Variants in PLEKHA7 observed in about 807,000 individuals in gnomAD.
PLEKHA7 encodes pleckstrin homology domain containing A7, also known as pleckstrin homology domain-containing family A member 7.
PLEKHA7 carries 104 observed loss-of-function variants against 170.0 expected under a neutral mutation model. The observed-to-expected ratio is 0.61, with a 90% CI of 0.52 to 0.72. PLEKHA7 has a LOEUF of 0.72. PLEKHA7 is among the 30% of genes least tolerant of loss of function. PLEKHA7 has a pLI of 0.00. For synonymous variants in PLEKHA7, 648 were observed against 660.8 expected, an observed-to-expected ratio of 0.98 and a Z score of 0.30; for missense variants, 1,615 against 1,671.7, an observed-to-expected ratio of 0.97 and a Z score of 0.59.
At chr11:16,890,758 A>G (rs1054805416) in intron 3 of PLEKHA7, among the ~76,000 whole-genome samples, 1 of 152,206 alleles carries the variant, frequency 6.6e-6, no homozygotes, top group Non-Finnish European at 1.5e-5. Flanking sequence ...CCCGAAAACA[A>G]GGATTAAGAA....
chr11:16,807,198 G>A (rs1055168882), intron 13 of PLEKHA7: 3 of 985,270 alleles, frequency 3.0e-6, no homozygotes, highest in African/African-American at 3.5e-5. Flanking sequence ...TGTAAAGCAC[G>A]TTGATCAAAG....
intron 3 of PLEKHA7, among the ~76,000 whole-genome samples, chr11:16,897,165 G>A (rs570389884): frequency 1.8e-4 from 28 of 152,188 alleles, no homozygotes; most frequent in African/African-American, 6.3e-4. Context: ...TAAGTCTTTC[G>A]CCCAAGTTAA....
chr11:16,871,695 G>A (rs1047027141), intron 3 of PLEKHA7, among the ~76,000 whole-genome samples: 4 of 152,124 alleles, frequency 2.6e-5, no homozygotes, highest in African/African-American at 4.8e-5. Flanking sequence ...ATAAATGTAT[G>A]GGCATGTCTC....
chr11:16,848,250 A>G (rs1852626796), intron 8 of PLEKHA7, among the ~76,000 whole-genome samples: 1 of 152,258 alleles, frequency 6.6e-6, no homozygotes, highest in Admixed American at 6.5e-5. Context: ...TAAAAAAGCA[A>G]GGATTTTGTC....
At chr11:16,852,236 G>A (rs1348675409) in intron 7 of PLEKHA7, 47 bp downstream of exon 7, 1 of 1,559,264 alleles carries the variant, frequency 6.4e-7, no homozygotes, top group Non-Finnish European at 8.8e-7. Context: ...ATCCACATAT[G>A]TAAAACTGAA....
At chr11:16,901,644 A>G (rs938627527) in intron 3 of PLEKHA7, among the ~76,000 whole-genome samples, 1 of 152,184 alleles carries the variant, frequency 6.6e-6, no homozygotes, top group Admixed American at 6.5e-5. Flanking sequence ...CAAGGCCGGA[A>G]GATAGCTTGA....
At chr11:16,819,655 G>T (rs1229496850) in intron 10 of PLEKHA7, among the ~76,000 whole-genome samples, 1 of 152,174 alleles carries the variant, frequency 6.6e-6, no homozygotes, top group Non-Finnish European at 1.5e-5. Context: ...CACCACCTGG[G>T]GACTTGTTAG....
intron 6 of PLEKHA7, 108 bp downstream of exon 6, chr11:16,854,781 C>T (rs1249354631): frequency 8.6e-6 from 8 of 932,450 alleles, no homozygotes; most frequent in Non-Finnish European, 1.3e-5. Flanking sequence ...CAGACAAACT[C>T]AGGAACAGAA....
Position 16,995,145 on chromosome 11 carries a change from G to A in PLEKHA7, c.221+18844C>T, listed in dbSNP as rs188484074. On this transcript the variant is annotated intron_variant, in intron 3 of 26. Transcript: ENST00000531066. ...TTACCATCCCCATTTTTCAGATGAG[G>A]AAACAGGCTCCAGAGTACACAACCT... Among the ~76,000 whole-genome samples the A allele has an allele frequency of 1.7e-3, 252 of 152,178 alleles. 2 individuals carry two copies. Among genetic ancestry groups the A allele is most frequent in the Non-Finnish European group, 2.7e-3 (182 of 67,980 alleles).
chr11:16,946,987 C>T (rs2136457410), intron 3 of PLEKHA7, among the ~76,000 whole-genome samples: 1 of 152,316 alleles, frequency 6.6e-6, no homozygotes, highest in South Asian at 2.1e-4. Flanking sequence ...GTCATCTGGG[C>T]TGCTGGTTCC....
At chr11:16,818,017 G>A (rs1319763555) in intron 10 of PLEKHA7, among the ~76,000 whole-genome samples, 4 of 152,128 alleles carry the variant, frequency 2.6e-5, no homozygotes, top group Non-Finnish European at 2.9e-5. Flanking sequence ...TACGGGCCAC[G>A]CCAAATGCCT....
chr11:16,934,885 TA>T (rs1047760922), intron 3 of PLEKHA7, among the ~76,000 whole-genome samples: 2 of 151,970 alleles, frequency 1.3e-5, no homozygotes, highest in South Asian at 2.1e-4. Context: ...TCTCTTACAG[TA>T]AAAAAAAGAG....
At chr11:16,921,049 G>C (rs1248727721) in intron 3 of PLEKHA7, among the ~76,000 whole-genome samples, 1 of 152,236 alleles carries the variant, frequency 6.6e-6, no homozygotes, top group African/African-American at 2.4e-5. Context: ...AGCAATGCCT[G>C]TGTCTGAAAC....
At position 16,990,286 on chromosome 11, in the gene PLEKHA7, A is replaced by AAAAAAAAAAAAAACC. The variant is rs1565186000; in HGVS notation, c.221+23702_221+23703insGGTTTTTTTTTTTTT. ...AAGACCCTGTCTCAAAAAAAAAAAA[A>AAAAAAAAAAAAAACC]AAAAAAAAAAAAACTTCTCCCTGTT... On this transcript the variant is annotated intron_variant, in intron 3 of 26. Transcript: ENST00000531066. 6.8e-4 allele frequency among the ~76,000 whole-genome samples: 74 copies of AAAAAAAAAAAAAACC among 108,254 alleles called. 1 individual carries two copies. Among genetic ancestry groups the AAAAAAAAAAAAAACC allele is most frequent in the Middle Eastern group, 5.5e-3 (1 of 182 alleles). 71.0% of individuals were successfully genotyped at this position (108,254 alleles called of 152,430 possible).
At chr11:16,945,142 G>A (rs1195013596) in intron 3 of PLEKHA7, among the ~76,000 whole-genome samples, 1 of 152,094 alleles carries the variant, frequency 6.6e-6, no homozygotes, top group Non-Finnish European at 1.5e-5. Flanking sequence ...CACCATGTTG[G>A]CCAGGCTGGC....
intron 3 of PLEKHA7, among the ~76,000 whole-genome samples, chr11:16,988,997 CA>C (rs1230254713): frequency 2.6e-5 from 4 of 152,198 alleles, no homozygotes; most frequent in Non-Finnish European, 4.4e-5. Context: ...GTGCCCATCA[CA>C]GTCAACCCTT....
chr11:16,835,895 C>G (rs1436595285), intron 9 of PLEKHA7, among the ~76,000 whole-genome samples: 1 of 152,162 alleles, frequency 6.6e-6, no homozygotes, highest in Non-Finnish European at 1.5e-5. Flanking sequence ...GCCATTTCTG[C>G]CCATAGTCCT....
chr11:16,902,550 T>C (rs944850467), intron 3 of PLEKHA7, among the ~76,000 whole-genome samples: 8 of 152,236 alleles, frequency 5.3e-5, no homozygotes, highest in African/African-American at 1.4e-4. Flanking sequence ...GTGTGTAAAG[T>C]AGTATTTCAT....
At chr11:16,823,203 G>C (rs1488293618) in intron 10 of PLEKHA7, among the ~76,000 whole-genome samples, 2 of 151,984 alleles carry the variant, frequency 1.3e-5, no homozygotes, top group African/African-American at 2.4e-5. Flanking sequence ...ATGGTGTCTT[G>C]CTATGTTGCC....
Sources: allele counts gnomAD v4.1 joint callset (sites outside exome capture counted in the v4.1 genomes callset), GRCh38; gene constraint gnomAD v4.1.1; transcripts MANE v1.5; gene names NCBI Gene and HGNC (gene_info 2026-07-23, HGNC 2026-07-21).